Variants in HORMAD1 observed in about 807,000 individuals in gnomAD.
The protein encoded by HORMAD1 is HORMA domain-containing protein 1.
HORMAD1 carries 33 observed loss-of-function variants against 58.2 expected under a neutral mutation model. The observed-to-expected ratio is 0.57, with a 90% confidence interval of 0.43 to 0.76. HORMAD1 has a LOEUF of 0.76. Among genes scored for constraint, HORMAD1 ranks in the 30% least tolerant of loss-of-function variants. HORMAD1 has a pLI of 0.00. For missense variants in HORMAD1, 363 were observed against 462.0 expected (o/e 0.79, Z 1.96); for synonymous variants, 137 against 144.6 (o/e 0.95, Z 0.38).
At chr1:150,701,186 T>A (rs2101840139) in intron 13 of HORMAD1, among the ~76,000 whole-genome samples, 1 of 152,322 alleles carries the variant, frequency 6.6e-6, no homozygotes, top group South Asian at 2.1e-4. Flanking sequence ...CATCTTAATG[T>A]TACATTACAA....
chr1:150,700,144 G>T lies in HORMAD1; in HGVS notation c.1072C>A (p.Arg358=). The change falls in exon 14 of 15, where the codon CGG becomes AGG. Residue 358 remains arginine (R), a synonymous_variant. Coordinates refer to ENST00000361824, the MANE Select transcript of HORMAD1 (RefSeq NM_032132.5). ...NQPVKSSKEN[R]KRSQHESGRI... ...CCAGATTCATGTTGACTTCTCTTCC[G>T]ATTTTCTTTGGAAGATTTTACTGGT... 1 of 1,578,412 alleles carries T rather than the reference G, an allele frequency of 6.3e-7. No homozygotes were observed. Among genetic ancestry groups the T allele is most frequent in the Non-Finnish European group, 8.7e-7 (1 of 1,148,458 alleles).
At chr1:150,715,582 T>A (rs1361333543) in intron 3 of HORMAD1, among the ~76,000 whole-genome samples, 1 of 151,980 alleles carries the variant, frequency 6.6e-6, no homozygotes, top group African/African-American at 2.4e-5. Context: ...AAACTGGCTG[T>A]ATTATTATTA....
intron 10 of HORMAD1, 56 bp from the exon 11 acceptor site, chr1:150,704,399 C>A: frequency 9.0e-7 from 1 of 1,113,962 alleles, no homozygotes; most frequent in South Asian, 1.4e-5. Context: ...ACTAAAACAA[C>A]TGAGCAGAAA....
chr1:150,719,721 T>C (rs1408173071), intron 1 of HORMAD1, among the ~76,000 whole-genome samples, 183 bp from the exon 2 acceptor site: 1 of 152,174 alleles, frequency 6.6e-6, no homozygotes, highest in Non-Finnish European at 1.5e-5. Context: ...GGGTCCTGAT[T>C]TGAAGCCATT....
At chr1:150,714,797 T>C (rs936337728) in intron 3 of HORMAD1, 119 bp from the exon 4 acceptor site, 2 of 416,238 alleles carry the variant, frequency 4.8e-6, no homozygotes, top group Non-Finnish European at 8.5e-6. Flanking sequence ...ATAATTATTA[T>C]TATTTTGAGA....
chr1:150,716,102 G>A (rs1005380082), intron 3 of HORMAD1, among the ~76,000 whole-genome samples: 2 of 149,974 alleles, frequency 1.3e-5, no homozygotes, highest in Admixed American at 6.7e-5. Context: ...GCTACAATAC[G>A]GAGGAACCTT....
At position 150,698,423 on chromosome 1, in the gene HORMAD1, A is replaced by G. The variant is rs1651435257; in HGVS notation, c.*231T>C. ...TGAACAAAATCAATTTTGAAATTTT[A>G]CTTATTACCGAATCAATTATGACAT... On this transcript the variant is annotated 3_prime_UTR_variant, in exon 15 of 15. Coordinates refer to ENST00000361824, the MANE Select transcript of HORMAD1 (RefSeq NM_032132.5). 1 of 299,472 alleles carries G rather than the reference A, an allele frequency of 3.3e-6. No homozygotes were observed. The highest frequency in any genetic ancestry group is 5.0e-5 in the Admixed American group (1 of 19,892). The allele number at this position is 299,472 out of a possible 1,614,324, so 18.6% of individuals were successfully genotyped here. A position where few individuals can be genotyped will look rare whatever the true frequency, so the allele number is the denominator to read the frequency against.
chr1:150,714,522 A>G, intron 4 of HORMAD1, 93 bp downstream of exon 4: 2 of 549,278 alleles, frequency 3.6e-6, no homozygotes, highest in Non-Finnish European at 3.1e-6. Context: ...GTGATTCACT[A>G]AAATTTGGTT....
At chr1:150,708,823 G>T in intron 8 of HORMAD1, 71 bp downstream of exon 8, 1 of 813,432 alleles carries the variant, frequency 1.2e-6, no homozygotes, top group South Asian at 1.5e-5. Flanking sequence ...TGAATCCTGA[G>T]GTTTAGCTAT....
chr1:150,712,597 G>T (rs587600373), intron 5 of HORMAD1, among the ~76,000 whole-genome samples: 120 of 152,276 alleles, frequency 7.9e-4, no homozygotes, highest in Non-Finnish European at 5.0e-4. Context: ...CACTCAGGCT[G>T]GAGTACAGTG....
At chr1:150,702,671 A>G (rs1977715) in intron 13 of HORMAD1, among the ~76,000 whole-genome samples, 58,646 of 151,902 alleles carry the variant, frequency 0.39, 11,642 homozygotes, top group South Asian at 0.55. Context: ...ACATGTTCTC[A>G]CTTATAAGTG....
intron 3 of HORMAD1, among the ~76,000 whole-genome samples, chr1:150,715,309 A>G (rs1434120998): frequency 1.3e-5 from 2 of 152,148 alleles, no homozygotes; most frequent in Non-Finnish European, 2.9e-5. Flanking sequence ...TTATCCCAGT[A>G]AAATACTTGT....
intron 14 of HORMAD1, among the ~76,000 whole-genome samples, chr1:150,699,705 T>G (rs1285303691): frequency 3.3e-5 from 5 of 151,386 alleles, no homozygotes; most frequent in Non-Finnish European, 7.4e-5. Context: ...TTTTTTTTTT[T>G]GTATTTTTGG....
At position 150,698,292 on chromosome 1, in the gene HORMAD1, A is replaced by G. The variant is rs1251939770; in HGVS notation, c.*362T>C. 1 of 155,724 alleles carries G rather than the reference A, an allele frequency of 6.4e-6. No homozygotes were observed. The highest frequency in any genetic ancestry group is 2.4e-5 in the African/African-American group (1 of 41,592). The allele number at this position is 155,724 out of a possible 1,614,324, so 9.6% of individuals were successfully genotyped here. A position where few individuals can be genotyped will look rare whatever the true frequency, so the allele number is the denominator to read the frequency against. On this transcript the variant is annotated 3_prime_UTR_variant, in exon 15 of 15. Transcript: ENST00000361824. ...ATAATTTTAACATAAGTAAAAAGTGAATCCATACCAAATTTTAATACCAAA... is the reference window on the plus strand; with the variant it reads ...ATAATTTTAACATAAGTAAAAAGTGGATCCATACCAAATTTTAATACCAAA...
At chr1:150,720,490 G>C (rs1335496345) in intron 1 of HORMAD1, among the ~76,000 whole-genome samples, 2 of 152,062 alleles carry the variant, frequency 1.3e-5, no homozygotes, top group Non-Finnish European at 2.9e-5. Flanking sequence ...CGGAACCACT[G>C]TGTCCGGCCC....
intron 2 of HORMAD1, among the ~76,000 whole-genome samples, chr1:150,717,522 T>C (rs201747764): frequency 6.7e-6 from 1 of 149,748 alleles, no homozygotes; most frequent in African/African-American, 2.5e-5. Context: ...TTTTTTTTTA[T>C]TTTTAAAAAA....
At chr1:150,708,873 C>T in intron 8 of HORMAD1, 21 bp downstream of exon 8, 1 of 1,271,928 alleles carries the variant, frequency 7.9e-7, no homozygotes, top group Non-Finnish European at 1.1e-6. Flanking sequence ...GTAATACAAA[C>T]AGAAAACTAT....
chr1:150,717,915 C>T (rs1652135226), intron 2 of HORMAD1, among the ~76,000 whole-genome samples: 1 of 151,934 alleles, frequency 6.6e-6, no homozygotes, highest in Non-Finnish European at 1.5e-5. Flanking sequence ...CACTGCACTC[C>T]AGCCTGAGTG....
rs1557801257 is a variant in HORMAD1, at chr1:150,717,256, T to A, written c.60A>T (p.Ile20=). Residue 20 remains isoleucine (I), a synonymous_variant, in exon 3 of 15, where the codon ATA becomes ATT. Coordinates refer to ENST00000361824, the MANE Select transcript of HORMAD1 (RefSeq NM_032132.5). ...ACACCAAAGACTGGTGTTCAGTTGA[T>A]ATCTTATTGGGAAATACCAGTGCAC... The part of the protein sequence containing the change: ...PMSALVFPNK[I]STEHQSLVLV... 3.2e-6 allele frequency: 5 copies of A among 1,583,638 alleles called. No homozygotes were observed. Among genetic ancestry groups the A allele is most frequent in the Non-Finnish European group, 4.3e-6 (5 of 1,163,268 alleles).
Sources: allele counts gnomAD v4.1 joint callset (sites outside exome capture counted in the v4.1 genomes callset), GRCh38; gene constraint gnomAD v4.1.1; transcripts MANE v1.5; gene names NCBI Gene and HGNC (gene_info 2026-07-23, HGNC 2026-07-21).